The following PPFIA1 variants were observed in gnomAD, a reference collection of about 807,000 sequenced individuals.
PPFIA1 encodes PPFI scaffold protein A1.
A neutral mutation model predicts 149.9 loss-of-function variants in PPFIA1; 25 were observed. The ratio of observed to expected loss-of-function variants is 0.17; its 90% CI spans 0.12 to 0.23. The LOEUF (loss-of-function observed/expected upper bound fraction) is 0.23. Among genes scored for constraint, PPFIA1 ranks in the 10% least tolerant of loss-of-function variants. PPFIA1 has a pLI of 1.00. For synonymous variants in PPFIA1, 549 were observed against 552.8 expected (o/e 0.99, Z 0.10); for missense variants, 1,362 against 1,506.5 (o/e 0.90, Z 1.59).
At chr11:70,280,234 A>G (rs1591031581) in intron 2 of PPFIA1, among the ~76,000 whole-genome samples, 1 of 149,158 alleles carries the variant, frequency 6.7e-6, no homozygotes, top group Admixed American at 6.7e-5. Context: ...ATATACGTAC[A>G]TACATATATA....
chr11:70,303,947 G>A lies in PPFIA1; in HGVS notation c.265-20455G>A, dbSNP rs1051088904. On this transcript the variant is annotated intron_variant, in intron 2 of 27. Transcript: ENST00000253925. The stretch of plus-strand genomic sequence containing the variant: ...CTTGAACCCAGGAGGCGGAGGTTGC[G>A]GTGAGCTGAGATCGCGCCACTGCAC... Among the ~76,000 whole-genome samples the A allele has an allele frequency of 4.6e-5, 7 of 152,236 alleles. No individual in the cohort carries two copies. The East Asian group carries it at 7.7e-4, about 17-fold the overall frequency.
intron 7 of PPFIA1, among the ~76,000 whole-genome samples, chr11:70,329,100 C>A (rs2054496479): frequency 6.6e-6 from 1 of 152,226 alleles, no homozygotes; most frequent in South Asian, 2.1e-4. Context: ...GTTCATCCAA[C>A]CCTTATCCTA....
intron 7 of PPFIA1, among the ~76,000 whole-genome samples, chr11:70,328,966 GC>G (rs1393373852): frequency 6.6e-6 from 1 of 152,194 alleles, no homozygotes; most frequent in Non-Finnish European, 1.5e-5. Flanking sequence ...TCTGGTCCTA[GC>G]CTTAAGTGTT....
intron 2 of PPFIA1, among the ~76,000 whole-genome samples, chr11:70,319,743 G>A (rs2053828380): frequency 6.6e-6 from 1 of 152,104 alleles, no homozygotes; most frequent in Admixed American, 6.5e-5. Flanking sequence ...TCTCTGAATG[G>A]CTGCCCACTT....
intron 2 of PPFIA1, among the ~76,000 whole-genome samples, chr11:70,299,380 A>G (rs974548122): frequency 6.6e-5 from 10 of 152,174 alleles, no homozygotes; most frequent in African/African-American, 2.4e-4. Flanking sequence ...CTCTCTGTTT[A>G]CTACTCAACA....
chr11:70,364,072 G>A (rs992506330), intron 21 of PPFIA1, among the ~76,000 whole-genome samples: 1 of 152,074 alleles, frequency 6.6e-6, no homozygotes, highest in Admixed American at 6.5e-5. Flanking sequence ...ATTCCAGTTT[G>A]CGGACATTTT....
intron 10 of PPFIA1, chr11:70,334,626 C>A (rs2054860556): frequency 1.3e-5 from 2 of 152,230 alleles, no homozygotes; most frequent in Admixed American, 6.5e-5. Context: ...GTGCTGGACC[C>A]TTTCAGGTAA....
intron 14 of PPFIA1, among the ~76,000 whole-genome samples, chr11:70,340,136 TAAAAAAAA>T (rs564811432): frequency 2.9e-5 from 4 of 138,738 alleles, no homozygotes; most frequent in African/African-American, 1.1e-4. Context: ...CTGTCTCTAT[TAAAAAAAA>T]AAAAAAGAAA....
Position 70,372,286 on chromosome 11 carries a change from G to T in PPFIA1, c.2937G>T (p.Gln979His). 5 of 1,614,232 alleles carry T rather than the reference G, an allele frequency of 3.1e-6. No individual in the cohort carries two copies. Among genetic ancestry groups the T allele is most frequent in the Non-Finnish European group, 4.2e-6 (5 of 1,180,040 alleles). Residue 979 changes from glutamine (Q) to histidine (H), a missense_variant, in exon 22 of 28, where the codon CAG (glutamine) becomes CAT (histidine). Gln to His is a conservative substitution (Grantham distance 24). Coordinates refer to ENST00000253925, the MANE Select transcript of PPFIA1 (RefSeq NM_003626.5). Reference protein sequence around the residue: ...NEWLPSLGLPQYRSYFMECLV... With the variant: ...NEWLPSLGLPHYRSYFMECLV... Reference sequence around the variant, plus strand: ...GGCTCCCCAGCCTGGGCCTCCCCCAGTACCGCAGCTACTTCATGGAGTGCC... The same window carrying T: ...GGCTCCCCAGCCTGGGCCTCCCCCATTACCGCAGCTACTTCATGGAGTGCC...
At chr11:70,274,982 A>G (rs1382871850) in intron 2 of PPFIA1, among the ~76,000 whole-genome samples, 9 of 152,224 alleles carry the variant, frequency 5.9e-5, no homozygotes, top group Admixed American at 5.9e-4. Flanking sequence ...AGTGGAATGC[A>G]AATGATGGTG....
rs1591224240 is a variant in PPFIA1, at chr11:70,327,011, A to G, written c.930+193A>G. The stretch of plus-strand genomic sequence containing the variant: ...AGCTACCTCCCCATTTTTGTTGTGA[A>G]ATCTCCTGTCCCTGAGCTCTTCAAA... On this transcript the variant is annotated intron_variant, in intron 7 of 27. Coordinates refer to ENST00000253925, the MANE Select transcript of PPFIA1 (RefSeq NM_003626.5). The G allele has an allele frequency of 7.0e-6, 4 of 570,398 alleles. No individual in the cohort carries two copies. The East Asian group carries it at 1.2e-4, about 17-fold the overall frequency. 35.3% of individuals were successfully genotyped at this position (570,398 alleles called of 1,614,324 possible). A position where few individuals can be genotyped will look rare whatever the true frequency, so the allele number is the denominator to read the frequency against.
intron 19 of PPFIA1, among the ~76,000 whole-genome samples, chr11:70,357,212 C>T (rs912358108): frequency 2.5e-4 from 38 of 152,270 alleles, no homozygotes; most frequent in Non-Finnish European, 1.0e-4. Context: ...TGAAACTTGA[C>T]GGGCTGTATG....
intron 2 of PPFIA1, among the ~76,000 whole-genome samples, chr11:70,286,188 C>T (rs1025640214): frequency 1.3e-5 from 2 of 152,138 alleles, no homozygotes. Flanking sequence ...TGGCTCAAAC[C>T]ATCTTTCCCC....
intron 2 of PPFIA1, among the ~76,000 whole-genome samples, chr11:70,278,284 C>G (rs2050538929): frequency 6.6e-6 from 1 of 152,044 alleles, no homozygotes; most frequent in African/African-American, 2.4e-5. Flanking sequence ...CAGCTGCCTG[C>G]CTCAGCCTCC....
At chr11:70,361,079 C>T (rs917458141) in intron 19 of PPFIA1, among the ~76,000 whole-genome samples, 3 of 152,144 alleles carry the variant, frequency 2.0e-5, no homozygotes, top group Non-Finnish European at 2.9e-5. Context: ...TGTAAGGAGA[C>T]GGGGATTCTG....
chr11:70,341,650 G>A (rs1179783992), intron 14 of PPFIA1, among the ~76,000 whole-genome samples: 4 of 152,180 alleles, frequency 2.6e-5, no homozygotes, highest in African/African-American at 7.2e-5. Context: ...CATATGGATG[G>A]TATTAAGAAA....
At chr11:70,292,807 G>A (rs2051625510) in intron 2 of PPFIA1, among the ~76,000 whole-genome samples, 1 of 152,192 alleles carries the variant, frequency 6.6e-6, no homozygotes, top group Non-Finnish European at 1.5e-5. Context: ...AATCCAAGCA[G>A]TCTGACTCCA....
chr11:70,323,614 A>C (rs1391791482), intron 2 of PPFIA1, among the ~76,000 whole-genome samples: 3 of 152,294 alleles, frequency 2.0e-5, no homozygotes, highest in Non-Finnish European at 4.4e-5. Context: ...GTCTTGGTTC[A>C]AATACAACAG....
intron 26 of PPFIA1, 28 bp from the exon 27 acceptor site, chr11:70,382,060 A>T (rs1426819148): frequency 1.9e-6 from 3 of 1,611,670 alleles, no homozygotes; most frequent in Non-Finnish European, 2.5e-6. Flanking sequence ...CTGTGTTTGC[A>T]CGCTTCCTCT....
Sources: gnomAD v4.1 joint callset for allele counts (sites outside exome capture counted in the v4.1 genomes callset) on GRCh38, gnomAD v4.1.1 for gene constraint, MANE v1.5 for transcripts, NCBI Gene and HGNC (gene_info 2026-07-23, HGNC 2026-07-21) for gene names.